The following ANXA7 variants were observed in gnomAD, a reference collection of about 807,000 sequenced individuals.
ANXA7 encodes annexin A7.
Under a neutral mutation model 64.9 loss-of-function variants are expected in ANXA7, and 55 were observed. The observed-to-expected ratio is 0.85, with a 90% CI of 0.68 to 1.06. The LOEUF (loss-of-function observed/expected upper bound fraction) is 1.06. ANXA7 is among the 50% of genes least tolerant of loss of function. ANXA7 has a pLI of 0.00. For missense variants in ANXA7, 548 were observed against 582.1 expected, an observed-to-expected ratio of 0.94 and a Z score of 0.60; for synonymous variants, 200 against 192.4, an observed-to-expected ratio of 1.04 and a Z score of -0.33.
intron 7 of ANXA7, among the ~76,000 whole-genome samples, chr10:73,385,431 A>C (rs1267945656): frequency 6.6e-6 from 1 of 152,226 alleles, no homozygotes; most frequent in Non-Finnish European, 1.5e-5. Context: ...CAAAGTAGAC[A>C]AAAGAAACAT....
chr10:73,405,522 G>A (rs748745021), intron 1 of ANXA7, among the ~76,000 whole-genome samples: 6 of 152,132 alleles, frequency 3.9e-5, no homozygotes, highest in Admixed American at 2.6e-4. Flanking sequence ...CTGGGTGATA[G>A]GGCAAAACTC....
At chr10:73,413,341 G>A (rs1161204864) in intron 1 of ANXA7, among the ~76,000 whole-genome samples, 2 of 152,288 alleles carry the variant, frequency 1.3e-5, no homozygotes, top group Admixed American at 6.5e-5. Flanking sequence ...GGGCGTTTAC[G>A]GCAGTCGGAA....
chr10:73,411,567 T>A (rs7072391), intron 1 of ANXA7, among the ~76,000 whole-genome samples: 22,875 of 151,902 alleles, frequency 0.15, 2,800 homozygotes, highest in African/African-American at 0.32. Flanking sequence ...CAGCCTCCCG[T>A]GTAGCTGGGA....
chr10:73,395,919 A>T (rs1030615574), intron 5 of ANXA7: 2 of 739,430 alleles, frequency 2.7e-6, no homozygotes, highest in African/African-American at 3.4e-5. Context: ...TATTACAGGA[A>T]CACAAAGATA....
At chr10:73,379,989 A>G in intron 10 of ANXA7, 35 bp from the exon 11 acceptor site, 1 of 1,612,714 alleles carries the variant, frequency 6.2e-7, no homozygotes, top group Non-Finnish European at 8.5e-7. Flanking sequence ...ATATTTTTGT[A>G]TCTTACAGCA....
Position 73,375,302 on chromosome 10 carries a change from G to A in ANXA7, c.*793C>T, listed in dbSNP as rs573080033. The A allele has an allele frequency of 5.3e-5, 8 of 152,246 alleles. No individual in the cohort carries two copies. The South Asian group carries it at 1.7e-3, about 32-fold the overall frequency. The allele number at this position is 152,246 out of a possible 1,614,324, so 9.4% of individuals were successfully genotyped here. On this transcript the variant is annotated 3_prime_UTR_variant, in exon 13 of 13. Coordinates refer to ENST00000372921, the MANE Select transcript of ANXA7 (RefSeq NM_001156.5). Reference sequence around the variant, plus strand: ...GTACTGAACACTTAAAATTTGCTAAGGTAGTAGATCTTAAGTGTTTTCACC... The same window carrying A: ...GTACTGAACACTTAAAATTTGCTAAAGTAGTAGATCTTAAGTGTTTTCACC...
At position 73,390,725 on chromosome 10, in the gene ANXA7, T is replaced by TATATATATATATATATAA. The variant is rs1217514163; in HGVS notation, c.436-2312_436-2311insTTATATATATATATATAT. Among the ~76,000 whole-genome samples the TATATATATATATATATAA allele has an allele frequency of 9.0e-4, 112 of 124,596 alleles. 1 individual carries two copies. The highest frequency in any genetic ancestry group is 2.7e-3 in the African/African-American group (80 of 29,750). The allele number at this position is 124,596 out of a possible 152,430, so 81.7% of individuals were successfully genotyped here. A position where few individuals can be genotyped will look rare whatever the true frequency, so the allele number is the denominator to read the frequency against. On this transcript the variant is annotated intron_variant, in intron 5 of 12. Transcript: ENST00000372921. ...ATATATATATATATATATATAAAAA[T>TATATATATATATATATAA]ATATATATACACACACACACATATA...
intron 3 of ANXA7, among the ~76,000 whole-genome samples, chr10:73,397,943 T>C (rs2055602142): frequency 6.6e-6 from 1 of 152,234 alleles, no homozygotes; most frequent in South Asian, 2.1e-4. Flanking sequence ...ATTGGTCCTT[T>C]ATTGCCATGA....
chr10:73,382,831 A>G (rs923392109), intron 9 of ANXA7, among the ~76,000 whole-genome samples: 5 of 152,186 alleles, frequency 3.3e-5, no homozygotes, highest in African/African-American at 1.2e-4. Flanking sequence ...CCTCTATGGC[A>G]GTCCTGCACA....
At chr10:73,380,004 C>T (rs568657261) in intron 10 of ANXA7, 27 bp downstream of exon 10, 1 of 1,611,614 alleles carries the variant, frequency 6.2e-7, no homozygotes, top group African/African-American at 1.3e-5. Context: ...ACAGCAGAAG[C>T]CAAATCTTCA....
intron 5 of ANXA7, among the ~76,000 whole-genome samples, chr10:73,389,229 A>T (rs1260257434): frequency 6.6e-6 from 1 of 152,250 alleles, no homozygotes; most frequent in African/African-American, 2.4e-5. Flanking sequence ...ACCCAAATTA[A>T]GAAATATTTT....
chr10:73,394,931 T>A (rs1305038824), intron 5 of ANXA7, among the ~76,000 whole-genome samples: 3 of 152,238 alleles, frequency 2.0e-5, no homozygotes, highest in Non-Finnish European at 4.4e-5. Context: ...TTAAAAGTCA[T>A]TCATATTCAG....
Position 73,383,593 on chromosome 10 carries a change from A to G in ANXA7, c.731T>C (p.Leu244Ser), listed in dbSNP as rs1449569268. The G allele has an allele frequency of 6.2e-7, 1 of 1,612,168 alleles. No individual in the cohort carries two copies. The highest frequency in any genetic ancestry group is 1.7e-5 in the Admixed American group (1 of 59,970). Residue 244 changes from leucine (L) to serine (S), a missense_variant, in exon 8 of 13, where the codon TTA becomes TCA. By Grantham distance (145) the Leu-to-Ser change is moderately radical. Transcript: ENST00000372921. ...TAGTAGTACCTGCATTGCTTTCCGT[A>G]AGCTCCAGGCATCGTAATACGTAGG... is the stretch of plus-strand genomic sequence containing the variant. ...MPPTYYDAWSLRKAMQGAGTQ... is the reference protein window; with the variant it reads ...MPPTYYDAWSSRKAMQGAGTQ...
intron 5 of ANXA7, 34 bp downstream of exon 5, chr10:73,396,485 C>T: frequency 6.6e-7 from 1 of 1,524,702 alleles, no homozygotes; most frequent in Non-Finnish European, 9.0e-7. Context: ...TATCTAGCTA[C>T]CTAGAGTGAG....
chr10:73,400,917 T>C (rs776013431), intron 1 of ANXA7, 60 bp from the exon 2 acceptor site: 18 of 1,485,472 alleles, frequency 1.2e-5, no homozygotes, highest in Non-Finnish European at 1.5e-5. Flanking sequence ...TTGTTTTGTT[T>C]TGTTTTTTGA....
At chr10:73,379,085 C>A in intron 11 of ANXA7, 62 bp from the exon 12 acceptor site, 2 of 1,125,570 alleles carry the variant, frequency 1.8e-6, no homozygotes, top group Non-Finnish European at 2.6e-6. Context: ...ACCCCTCCAG[C>A]TTCATTTATC....
intron 1 of ANXA7, among the ~76,000 whole-genome samples, chr10:73,406,328 G>C (rs184355681): frequency 2.2e-4 from 34 of 152,156 alleles, no homozygotes; most frequent in Middle Eastern, 3.4e-3. Flanking sequence ...CATATACTTA[G>C]ACCAAGTTTC....
intron 5 of ANXA7, among the ~76,000 whole-genome samples, chr10:73,392,094 A>G (rs921492480): frequency 6.6e-6 from 1 of 152,176 alleles, no homozygotes; most frequent in African/African-American, 2.4e-5. Context: ...AAACTAGAAA[A>G]TCTAGAAGAG....
intron 5 of ANXA7, among the ~76,000 whole-genome samples, chr10:73,390,723 A>T (rs868144255): frequency 0.038 from 4,304 of 112,942 alleles, 245 homozygotes; most frequent in African/African-American, 0.15. Context: ...TATATATAAA[A>T]ATATATATAT....
Sources: gnomAD v4.1 joint callset for allele counts (sites outside exome capture counted in the v4.1 genomes callset) on GRCh38, gnomAD v4.1.1 for gene constraint, MANE v1.5 for transcripts, NCBI Gene and HGNC (gene_info 2026-07-23, HGNC 2026-07-21) for gene names.